IL1RAPL2: variants seen among roughly 807,000 people sequenced by gnomAD.
IL1RAPL2 encodes interleukin 1 receptor accessory protein like 2.
A neutral mutation model predicts 44.1 loss-of-function variants in IL1RAPL2; 3 were observed. That is an observed-to-expected ratio of 0.07 (90% CI 0.03 to 0.18). IL1RAPL2 has a LOEUF of 0.18. Ranked by LOEUF, IL1RAPL2 falls within the 10% of genes least tolerant of loss-of-function variation. The pLI is 1.00. For missense variants in IL1RAPL2, 391 were observed against 496.4 expected (o/e 0.79, Z 2.02); for synonymous variants, 181 against 178.8 (o/e 1.01, Z -0.10).
At chrX:104,917,007 C>T (rs914111595) in intron 2 of IL1RAPL2, among the ~76,000 whole-genome samples, 1 of 111,754 alleles carries the variant, frequency 8.9e-6, no homozygotes, top group Non-Finnish European at 1.9e-5. Flanking sequence ...TGATGTTCAT[C>T]AAAGATATTG....
At chrX:105,640,082 A>AT (rs777995221) in intron 6 of IL1RAPL2, among the ~76,000 whole-genome samples, 2 of 110,804 alleles carry the variant, frequency 1.8e-5, no homozygotes, top group African/African-American at 6.5e-5. Flanking sequence ...TCTATTTATT[A>AT]TTTTTTCTAT....
intron 4 of IL1RAPL2, among the ~76,000 whole-genome samples, chrX:105,239,529 C>T (rs1926725425): frequency 3.2e-5 from 3 of 94,136 alleles, no homozygotes; most frequent in Admixed American, 2.1e-4. Flanking sequence ...CTACATTGGG[C>T]CTTCATTTTT....
intron 5 of IL1RAPL2, among the ~76,000 whole-genome samples, chrX:105,477,037 T>A (rs1771804464): frequency 8.9e-6 from 1 of 112,259 alleles, no homozygotes; most frequent in African/African-American, 3.2e-5. Flanking sequence ...GGTACAAGTG[T>A]CTTAAGTTCA....
chrX:105,402,640 A>C (rs766114120), intron 5 of IL1RAPL2, among the ~76,000 whole-genome samples: 28 of 111,496 alleles, frequency 2.5e-4, no homozygotes, highest in Non-Finnish European at 3.8e-4. Flanking sequence ...GCTTTGATTA[A>C]AATTAAAATC....
chrX:105,751,950 A>G (rs906799513), intron 9 of IL1RAPL2, among the ~76,000 whole-genome samples: 12 of 112,044 alleles, frequency 1.1e-4, no homozygotes, highest in African/African-American at 3.9e-4. Flanking sequence ...CTCTATGACA[A>G]TATCTATAAT....
chrX:104,812,086 C>T lies in IL1RAPL2; in HGVS notation c.82+153091C>T, dbSNP rs138809244. ...ATGGCCTGCTGAGAAACTTGAAATG[C>T]ACCGCAGGGCTTTGAATTTCATTTC... On this transcript the variant is annotated intron_variant, in intron 2 of 10. Transcript: ENST00000372582. Among the ~76,000 whole-genome samples, 411 of 110,965 alleles carry T rather than the reference C, an allele frequency of 3.7e-3. 2 individuals are homozygous for T. Among genetic ancestry groups the T allele is most frequent in the African/African-American group, 0.012 (360 of 30,550 alleles).
chrX:104,692,720 A>T (rs1286055045), intron 2 of IL1RAPL2, among the ~76,000 whole-genome samples: 1 of 111,811 alleles, frequency 8.9e-6, no homozygotes. Context: ...TATATGTGCC[A>T]CATTTTCTTA....
intron 2 of IL1RAPL2, among the ~76,000 whole-genome samples, chrX:105,071,033 T>A (rs1377360469): frequency 9.0e-6 from 1 of 111,713 alleles, no homozygotes; most frequent in African/African-American, 3.3e-5. Flanking sequence ...AAATTTTTAA[T>A]TTTAAGTAAT....
At chrX:104,623,762 A>C (rs2148009189) in intron 1 of IL1RAPL2, among the ~76,000 whole-genome samples, 1 of 112,121 alleles carries the variant, frequency 8.9e-6, no homozygotes, top group East Asian at 2.8e-4. Flanking sequence ...TGGGTGAGAA[A>C]GAGCCAAGTC....
chrX:104,657,842 T>C, intron 1 of IL1RAPL2, among the ~76,000 whole-genome samples: 1 of 112,330 alleles, frequency 8.9e-6, no homozygotes, highest in East Asian at 2.8e-4. Context: ...AAGACATTTA[T>C]GCAGCCAACA....
chrX:104,588,905 C>T lies in IL1RAPL2; in HGVS notation c.-20+21854C>T, dbSNP rs776924989. ...TTAAGAGGTGAAAAAAAGATTATGT[C>T]CAAGACATGGTTTATATAAATAGAA... On this transcript the variant is annotated intron_variant, in intron 1 of 10. Transcript: ENST00000372582. Among the ~76,000 whole-genome samples, 424 of 111,527 alleles carry T rather than the reference C, an allele frequency of 3.8e-3. 2 individuals are homozygous for T. Among genetic ancestry groups the T allele is most frequent in the African/African-American group, 0.013 (399 of 30,678 alleles).
chrX:105,439,325 C>A (rs776214716), intron 5 of IL1RAPL2, among the ~76,000 whole-genome samples: 1 of 110,982 alleles, frequency 9.0e-6, no homozygotes, highest in East Asian at 2.9e-4. Flanking sequence ...CTTTTTGCTG[C>A]ATGTGCTTTA....
chrX:104,973,847 A>G (rs1422484633), intron 2 of IL1RAPL2, among the ~76,000 whole-genome samples: 2 of 111,904 alleles, frequency 1.8e-5, no homozygotes, highest in African/African-American at 3.2e-5. Flanking sequence ...ATAATTTACT[A>G]TAGAGAATCC....
chrX:105,181,780 T>C (rs1312111415), intron 2 of IL1RAPL2, among the ~76,000 whole-genome samples: 1 of 111,507 alleles, frequency 9.0e-6, no homozygotes, highest in Non-Finnish European at 1.9e-5. Flanking sequence ...GAATGTATGT[T>C]CTGGCTGGGC....
chrX:105,767,249 A>G lies in IL1RAPL2; in HGVS notation c.1649A>G (p.Lys550Arg). ...KSSKLNSKFW[K>R]HLVYEMPIKK... ...AGCAAATTAAATTCTAAGTTTTGGAAGCACTTAGTATATGAAATGCCCATC... is the reference window on the plus strand; with the variant it reads ...AGCAAATTAAATTCTAAGTTTTGGAGGCACTTAGTATATGAAATGCCCATC... Residue 550 changes from lysine (K) to arginine (R), a missense_variant, in exon 11 of 11, where the codon AAG (lysine) becomes AGG (arginine). Around this residue, in one of 2 missense-constraint regions of IL1RAPL2, gnomAD observed 232 missense variants for 244.8 expected, o/e 0.95. Coordinates refer to ENST00000372582, the MANE Select transcript of IL1RAPL2 (RefSeq NM_017416.2). 8.3e-7 allele frequency: 1 copy of G among 1,211,892 alleles called. No homozygotes were observed. The highest frequency in any genetic ancestry group is 2.3e-4 in the Middle Eastern group (1 of 4,354).
chrX:104,921,874 T>A (rs113086191), intron 2 of IL1RAPL2, among the ~76,000 whole-genome samples: 30 of 111,355 alleles, frequency 2.7e-4, no homozygotes, highest in African/African-American at 8.2e-4. Context: ...TGGAGGGAGA[T>A]CTCCCAAGTC....
rs1287986428 is a variant in IL1RAPL2 at position 105,622,636 on chromosome X, C to T, written c.773-94731C>T. On this transcript the variant is annotated intron_variant, in intron 6 of 10. Coordinates refer to ENST00000372582, the MANE Select transcript of IL1RAPL2 (RefSeq NM_017416.2). ...CATTTAGACTGAATGTGTCCAGTGA[C>T]AGGAACCTCATTCTTAAAAAGCAGA... is the stretch of plus-strand genomic sequence containing the variant. Among the ~76,000 whole-genome samples the T allele has an allele frequency of 7.2e-5, 8 of 111,554 alleles. No individual in the cohort carries two copies. In the East Asian group the frequency reaches 2.3e-3, roughly 31 times the overall value.
At chrX:105,495,419 G>T (rs1489721791) in intron 6 of IL1RAPL2, among the ~76,000 whole-genome samples, 1 of 112,044 alleles carries the variant, frequency 8.9e-6, no homozygotes, top group Non-Finnish European at 1.9e-5. Flanking sequence ...AAAAAGCTTT[G>T]ATTTTGTTTA....
chrX:105,162,712 C>A (rs1602985822), intron 2 of IL1RAPL2, among the ~76,000 whole-genome samples: 1 of 111,794 alleles, frequency 8.9e-6, no homozygotes, highest in African/African-American at 3.3e-5. Flanking sequence ...TCCATTAGGT[C>A]TTTTATAACA....
Sources: allele counts gnomAD v4.1 joint callset (sites outside exome capture counted in the v4.1 genomes callset), GRCh38; gene constraint gnomAD v4.1.1; regional missense constraint gnomAD v4.1.1; transcripts MANE v1.5; gene names NCBI Gene and HGNC (gene_info 2026-07-23, HGNC 2026-07-21).